ZFHX3: variants seen among roughly 807,000 people sequenced by gnomAD.
ZFHX3 encodes zinc finger homeobox protein 3.
In ZFHX3, 42 loss-of-function variants were observed where a neutral mutation model predicts 279.1. That is an observed-to-expected ratio of 0.15 (90% CI 0.12 to 0.19). The LOEUF is 0.19. ZFHX3 is among the 10% of genes least tolerant of loss of function. The pLI is 1.00. For missense variants in ZFHX3, 4,981 were observed against 4,754.0 expected, an observed-to-expected ratio of 1.05 and a Z score of -1.40; for synonymous variants, 2,293 against 1,957.8, an observed-to-expected ratio of 1.17 and a Z score of -4.52.
chr16:73,594,865 T>C (rs1359422654), intron 2 of ZFHX3, among the ~76,000 whole-genome samples: 2 of 152,208 alleles, frequency 1.3e-5, no homozygotes, highest in African/African-American at 4.8e-5. Context: ...TTATCGCCTT[T>C]TGTTGTTAAT....
chr16:73,193,719 G>A (rs535901000), intron 5 of ZFHX3, among the ~76,000 whole-genome samples: 1 of 152,282 alleles, frequency 6.6e-6, no homozygotes, highest in East Asian at 1.9e-4. Flanking sequence ...CACAGACTAT[G>A]GGGCCAGACC....
chr16:73,721,013 T>C (rs1008594174), intron 1 of ZFHX3, among the ~76,000 whole-genome samples: 26 of 152,238 alleles, frequency 1.7e-4, no homozygotes, highest in Non-Finnish European at 3.7e-4. Context: ...TTTGGCCTCA[T>C]AATATTTTTA....
chr16:72,956,454 A>C (rs1409561548), intron 2 of ZFHX3, among the ~76,000 whole-genome samples: 1 of 152,224 alleles, frequency 6.6e-6, no homozygotes, highest in Non-Finnish European at 1.5e-5. Flanking sequence ...GGTTCTCATG[A>C]AACCCATCTG....
chr16:73,546,162 A>G (rs2143760578), intron 2 of ZFHX3, among the ~76,000 whole-genome samples: 1 of 152,352 alleles, frequency 6.6e-6, no homozygotes, highest in Middle Eastern at 3.4e-3. Flanking sequence ...GGATATTAAC[A>G]TAGTTGCTAT....
rs373880184 is a variant in ZFHX3, at chr16:72,786,934, C to CTTT, written c.*227_*229dup. 5 of 207,726 alleles carry CTTT rather than the reference C, an allele frequency of 2.4e-5. No individual in the cohort carries two copies. The highest frequency in any genetic ancestry group is 2.1e-4 in the South Asian group (1 of 4,872). The allele number at this position is 207,726 out of a possible 1,614,324, so 12.9% of individuals were successfully genotyped here. On this transcript the variant is annotated 3_prime_UTR_variant, in exon 10 of 10. Coordinates refer to ENST00000268489, the MANE Select transcript of ZFHX3 (RefSeq NM_006885.4). Reference sequence around the variant, plus strand: ...AGGACACAATGTAACAGGGTTAGGGCTTTTTTTTTTTTTTTAATATTAAAA... The same window carrying CTTT: ...AGGACACAATGTAACAGGGTTAGGGCTTTTTTTTTTTTTTTTTTAATATTAAAA...
intron 1 of ZFHX3, among the ~76,000 whole-genome samples, chr16:73,009,187 C>T (rs1963824347): frequency 6.6e-6 from 1 of 152,114 alleles, no homozygotes; most frequent in African/African-American, 2.4e-5. Context: ...CAACTCCCTT[C>T]CTTCCCACAA....
chr16:73,816,936 C>A (rs1960590754), intron 1 of ZFHX3, among the ~76,000 whole-genome samples: 1 of 152,136 alleles, frequency 6.6e-6, no homozygotes, highest in African/African-American at 2.4e-5. Context: ...AATGAGGTTG[C>A]AGTTTTAGCA....
intron 3 of ZFHX3, among the ~76,000 whole-genome samples, chr16:72,923,257 A>T (rs908258949): frequency 6.6e-6 from 1 of 152,134 alleles, no homozygotes; most frequent in Non-Finnish European, 1.5e-5. Flanking sequence ...CAGCCTGGGC[A>T]ACATGGCGAA....
At chr16:73,420,959 G>GC (rs2017706846) in intron 3 of ZFHX3, 1 of 152,198 alleles carries the variant, frequency 6.6e-6, no homozygotes, top group African/African-American at 2.4e-5. Context: ...TTTTGGTCAT[G>GC]CCCATTCTCC....
chr16:73,465,240 A>G (rs111552797), intron 2 of ZFHX3, among the ~76,000 whole-genome samples: 4 of 152,324 alleles, frequency 2.6e-5, no homozygotes, highest in African/African-American at 9.6e-5. Flanking sequence ...GGACAGCTCA[A>G]AACACAGAAT....
rs933344449 is a variant in ZFHX3, at chr16:73,310,128, C to T, written c.-1194+8112G>A. Reference sequence around the variant, plus strand: ...TTCACCATATTGGCCACACTGGTCTCGAACACCTGACCTTGTGATCTGCCC... The same window carrying T: ...TTCACCATATTGGCCACACTGGTCTTGAACACCTGACCTTGTGATCTGCCC... On this transcript the variant is annotated intron_variant, in intron 4 of 17. Transcript: ENST00000641206. 1.7e-4 allele frequency among the ~76,000 whole-genome samples: 26 copies of T among 151,998 alleles called. 1 individual carries two copies. The highest frequency in any genetic ancestry group is 6.5e-4 in the Admixed American group (10 of 15,272).
At chr16:73,743,757 A>T (rs2053679615) in intron 1 of ZFHX3, among the ~76,000 whole-genome samples, 1 of 152,166 alleles carries the variant, frequency 6.6e-6, no homozygotes, top group Non-Finnish European at 1.5e-5. Context: ...GGAATATTAC[A>T]CTTACCATTG....
chr16:72,908,456 A>G (rs1354982321), intron 3 of ZFHX3, among the ~76,000 whole-genome samples: 2 of 152,230 alleles, frequency 1.3e-5, no homozygotes, highest in African/African-American at 4.8e-5. Flanking sequence ...GGGAACTTGA[A>G]GATTCAGGAC....
intron 5 of ZFHX3, among the ~76,000 whole-genome samples, chr16:73,145,375 T>C (rs976974730): frequency 3.3e-5 from 5 of 152,178 alleles, no homozygotes; most frequent in Admixed American, 6.5e-5. Flanking sequence ...TGCTGGCTAA[T>C]AGAGTGTCAG....
chr16:73,603,798 G>T (rs1375975076), intron 2 of ZFHX3, among the ~76,000 whole-genome samples: 1 of 137,068 alleles, frequency 7.3e-6, no homozygotes, highest in Non-Finnish European at 1.5e-5. Context: ...TTTTGAGATG[G>T]AGTCTGGCTC....
chr16:73,087,459 T>A (rs996277885), intron 8 of ZFHX3, among the ~76,000 whole-genome samples: 1 of 152,188 alleles, frequency 6.6e-6, no homozygotes, highest in East Asian at 1.9e-4. Flanking sequence ...ACAACAGATA[T>A]GTTTTCCCCA....
intron 3 of ZFHX3, among the ~76,000 whole-genome samples, chr16:73,342,424 T>C (rs1258655295): frequency 6.6e-6 from 1 of 152,170 alleles, no homozygotes; most frequent in Non-Finnish European, 1.5e-5. Context: ...ACAATCTCAA[T>C]GGCCACGAAT....
intron 5 of ZFHX3, among the ~76,000 whole-genome samples, chr16:73,191,673 C>T (rs575772877): frequency 6.6e-6 from 1 of 152,284 alleles, no homozygotes; most frequent in South Asian, 2.1e-4. Flanking sequence ...TGATCTCTCT[C>T]TGGTCCCCTC....
At chr16:73,267,212 T>A (rs11866137) in intron 4 of ZFHX3, among the ~76,000 whole-genome samples, 46,310 of 151,984 alleles carry the variant, frequency 0.3, 7,119 homozygotes, top group African/African-American at 0.34. Flanking sequence ...ATCTTTCTGC[T>A]GCATCAAGCA....
Sources: gnomAD v4.1 joint callset for allele counts (sites outside exome capture counted in the v4.1 genomes callset) on GRCh38, gnomAD v4.1.1 for gene constraint, MANE v1.5 for transcripts, NCBI Gene and HGNC (gene_info 2026-07-23, HGNC 2026-07-21) for gene names.